The following PABPC4 variants were observed in gnomAD, a reference collection of about 807,000 sequenced individuals.
PABPC4 encodes the protein poly(A) binding protein cytoplasmic 4.
In PABPC4, 15 loss-of-function variants were observed where a neutral mutation model predicts 74.5. The observed-to-expected ratio is 0.20, with a 90% CI of 0.13 to 0.31. The LOEUF is 0.31. Ranked by LOEUF, PABPC4 falls within the 10% of genes least tolerant of loss-of-function variation. The pLI, the probability that PABPC4 is intolerant of heterozygous loss-of-function variation, is 1.00. For missense variants in PABPC4, 610 were observed against 853.5 expected (o/e 0.71, Z 3.55); for synonymous variants, 345 against 303.0 (o/e 1.14, Z -1.44).
chr1:39,562,522 A>C, intron 12 of PABPC4, 106 bp from the exon 13 acceptor site: 1 of 792,542 alleles, frequency 1.3e-6, no homozygotes, highest in Non-Finnish European at 2.1e-6. Flanking sequence ...GAAAGAGGAG[A>C]GGAGGTGGCT....
At chr1:39,571,141 G>C in intron 3 of PABPC4, 93 bp downstream of exon 3, 9 of 1,596,814 alleles carry the variant, frequency 5.6e-6, no homozygotes, top group Middle Eastern at 4.5e-4. Context: ...CTTGGGCCGA[G>C]AACCAGTAGC....
rs1258343746 is a variant in PABPC4 at position 39,561,098 on chromosome 1, T to A, written c.*38A>T. 2.1e-6 allele frequency: 1 copy of A among 470,638 alleles called. No individual in the cohort carries two copies. Among genetic ancestry groups the A allele is most frequent in the Non-Finnish European group, 4.4e-6 (1 of 226,762 alleles). 29.2% of individuals were successfully genotyped at this position (470,638 alleles called of 1,614,324 possible). ...TCTTCAAACCTTGAGTTGAATTCCATAAGGGGTTATTTGGCTTTTGAATCC... is the reference window on the plus strand; with the variant it reads ...TCTTCAAACCTTGAGTTGAATTCCAAAAGGGGTTATTTGGCTTTTGAATCC... On this transcript the variant is annotated 3_prime_UTR_variant, in exon 16 of 16. Transcript: ENST00000372858.
At chr1:39,573,095 A>G (rs1297382963) in intron 1 of PABPC4, 1 of 152,548 alleles carries the variant, frequency 6.6e-6, no homozygotes, top group Non-Finnish European at 1.5e-5. Flanking sequence ...GTATTGCATC[A>G]AAGTTATCAA....
chr1:39,563,785 A>T, intron 11 of PABPC4, 44 bp from the exon 12 acceptor site: 1 of 1,613,922 alleles, frequency 6.2e-7, no homozygotes, highest in Non-Finnish European at 8.5e-7. Context: ...CAGTCTGGGC[A>T]AAGACCCGTC....
chr1:39,571,802 G>C, intron 2 of PABPC4: 1 of 343,590 alleles, frequency 2.9e-6, no homozygotes. Context: ...GAGCCCAGGA[G>C]GTCGAAGCTA....
At position 39,563,834 on chromosome 1, in the gene PABPC4, A is replaced by ACCT. The variant is rs1553476764; in HGVS notation, c.1539_1540+1dup. On this transcript the variant is annotated splice_donor_variant, in intron 11 of 15. Transcript: ENST00000372858. LOFTEE classifies it high-confidence loss of function. ...CCCCCTTCTGTGTGCATCCAATACC[A>ACCT]CCTCCAGACTGGCAGCTGTCAGTCA... The ACCT allele has an allele frequency of 6.2e-7, 1 of 1,613,804 alleles. No homozygotes were observed. Among genetic ancestry groups the ACCT allele is most frequent in the Non-Finnish European group, 8.5e-7 (1 of 1,179,970 alleles).
rs2124022165 is a variant in PABPC4, at chr1:39,576,043, C to G, written c.-92G>C. 2 of 832,706 alleles carry G rather than the reference C, an allele frequency of 2.4e-6. No individual in the cohort carries two copies. The highest frequency in any genetic ancestry group is 3.5e-6 in the Non-Finnish European group (2 of 576,540). The allele number at this position is 832,706 out of a possible 1,614,324, so 51.6% of individuals were successfully genotyped here. A position where few individuals can be genotyped will look rare whatever the true frequency, so the allele number is the denominator to read the frequency against. ...GGGGCGCCTTCGGAGCCCGGGCCCGCGCCGCGGCTCACAGGTGGCACCGGC... is the reference window on the plus strand; with the variant it reads ...GGGGCGCCTTCGGAGCCCGGGCCCGGGCCGCGGCTCACAGGTGGCACCGGC... On this transcript the variant is annotated 5_prime_UTR_variant, in exon 1 of 16. Transcript: ENST00000372858.
chr1:39,571,686 G>A (rs990201188), intron 2 of PABPC4: 3 of 478,116 alleles, frequency 6.3e-6, no homozygotes, highest in Admixed American at 2.4e-5. Context: ...CCAGATCGTT[G>A]GACAATGGAG....
At chr1:39,571,402 T>A in intron 2 of PABPC4, 53 bp from the exon 3 acceptor site, 1 of 1,606,462 alleles carries the variant, frequency 6.2e-7, no homozygotes, top group Non-Finnish European at 8.5e-7. Context: ...TCCTGAGACA[T>A]GAGAACCTCA....
Position 39,576,340 on chromosome 1 carries a change from G to C in PABPC4, c.-389C>G. 1 of 164,648 alleles carries C rather than the reference G, an allele frequency of 6.1e-6. No homozygotes were observed. Among genetic ancestry groups the C allele is most frequent in the Non-Finnish European group, 1.3e-5 (1 of 76,608 alleles). 10.2% of individuals were successfully genotyped at this position (164,648 alleles called of 1,614,324 possible). A position where few individuals can be genotyped will look rare whatever the true frequency, so the allele number is the denominator to read the frequency against. The stretch of plus-strand genomic sequence containing the variant: ...GCCCACGGCGGCCTCGGGGACACGC[G>C]TTTCTCTATAAATATAGGCCTCGGG... On this transcript the variant is annotated 5_prime_UTR_variant, in exon 1 of 16. Coordinates refer to ENST00000372858, the MANE Select transcript of PABPC4 (RefSeq NM_001135653.2).
intron 6 of PABPC4, 29 bp from the exon 7 acceptor site, chr1:39,567,875 A>G (rs1396986626): frequency 2.4e-6 from 3 of 1,241,386 alleles, no homozygotes; most frequent in East Asian, 2.3e-5. Flanking sequence ...TGTTAACTAC[A>G]CTTCTATATC....
chr1:39,574,087 C>A (rs1429914950), intron 1 of PABPC4, among the ~76,000 whole-genome samples: 1 of 152,194 alleles, frequency 6.6e-6, no homozygotes, highest in African/African-American at 2.4e-5. Flanking sequence ...TGCCGCTCCA[C>A]AAGCTCAACT....
In PABPC4 at chr1:39,563,886, C is replaced by T; in HGVS notation, c.1490G>A (p.Gly497Asp). The stretch of plus-strand genomic sequence containing the variant: ...CCCTTGCTGGGCGGCACCAGCCCCA[C>T]CAAAGTCCATAGCCAAGCGGTCCGG... ...ECPDRLAMDF[G>D]GAGAAQQGLT... The change falls in exon 11 of 16, where the codon GGT becomes GAT. Residue 497 changes from glycine (G) to aspartate (D), a missense_variant. Physicochemically the swap from Gly to Asp is moderately conservative, Grantham distance 94. This residue lies in a region of PABPC4 where 277 missense variants were observed against 301.8 expected (regional missense o/e 0.92). Coordinates refer to ENST00000372858, the MANE Select transcript of PABPC4 (RefSeq NM_001135653.2). The T allele has an allele frequency of 6.2e-7, 1 of 1,614,242 alleles. No individual in the cohort carries two copies. Among genetic ancestry groups the T allele is most frequent in the Non-Finnish European group, 8.5e-7 (1 of 1,180,042 alleles).
In PABPC4 at chr1:39,565,031, A is replaced by G. The variant is rs985171118; in HGVS notation, c.1245+75T>C. 6.7e-6 allele frequency: 10 copies of G among 1,501,806 alleles called. No homozygotes were observed. The East Asian group carries it at 1.8e-4, about 27-fold the overall frequency. The allele number at this position is 1,501,806 out of a possible 1,614,324, so 93.0% of individuals were successfully genotyped here. A position where few individuals can be genotyped will look rare whatever the true frequency, so the allele number is the denominator to read the frequency against. ...CATTCTAGAACTCTAATAACGAAAA[A>G]TCCCTCTCCCCAACCACTGCAGAAT... On this transcript the variant is annotated intron_variant, in intron 8 of 15. Coordinates refer to ENST00000372858, the MANE Select transcript of PABPC4 (RefSeq NM_001135653.2).
In PABPC4 at chr1:39,568,816, T is replaced by G; in HGVS notation, c.862A>C (p.Ile288Leu). 1 of 1,613,736 alleles carries G rather than the reference T, an allele frequency of 6.2e-7. No individual in the cohort carries two copies. Residue 288 changes from isoleucine (I) to leucine (L), a missense_variant, in exon 6 of 16, where the codon ATT (isoleucine) becomes CTT (leucine). Ile to Leu is a conservative substitution (Grantham distance 5). This residue lies in a region of PABPC4 where 304 missense variants were observed against 478.9 expected (regional missense o/e 0.63). Coordinates refer to ENST00000372858, the MANE Select transcript of PABPC4 (RefSeq NM_001135653.2). ...GACCACCTTACCTGATATCGACTAA[T>G]TCTCTCCTGTTTCAACTGTTCAAAT... ...RKFEQLKQER[I>L]SRYQGVNLYI...
chr1:39,572,035 A>G (rs1645949430), intron 2 of PABPC4, among the ~76,000 whole-genome samples: 1 of 152,228 alleles, frequency 6.6e-6, no homozygotes, highest in Non-Finnish European at 1.5e-5. Flanking sequence ...CATAGAACAG[A>G]TACGTAGAAG....
intron 10 of PABPC4, 63 bp from the exon 11 acceptor site, chr1:39,563,985 CG>C: frequency 6.7e-7 from 1 of 1,485,018 alleles, no homozygotes; most frequent in Admixed American, 1.7e-5. Context: ...CCACGTCCCA[CG>C]GAAGGAGAAA....
intron 1 of PABPC4, among the ~76,000 whole-genome samples, chr1:39,574,496 G>A (rs1282390370): frequency 6.6e-6 from 1 of 152,166 alleles, no homozygotes; most frequent in East Asian, 1.9e-4. Flanking sequence ...CACGACTTTT[G>A]TTCAAAAGTC....
intron 5 of PABPC4, 144 bp downstream of exon 5, chr1:39,569,451 G>A (rs1191958258): frequency 4.6e-6 from 3 of 654,680 alleles, no homozygotes; most frequent in Non-Finnish European, 8.3e-6. Flanking sequence ...GCGGAACCCA[G>A]GAAGATGATC....
Sources: allele counts gnomAD v4.1 joint callset (sites outside exome capture counted in the v4.1 genomes callset), GRCh38; gene constraint gnomAD v4.1.1; regional missense constraint gnomAD v4.1.1; transcripts MANE v1.5; gene names NCBI Gene and HGNC (gene_info 2026-07-23, HGNC 2026-07-21).